The following KPNA5 variants were observed in gnomAD, a reference collection of about 807,000 sequenced individuals.
The protein encoded by KPNA5 is importin subunit alpha-6.
In KPNA5, 46 loss-of-function variants were observed where a neutral mutation model predicts 71.3. The ratio of observed to expected loss-of-function variants is 0.65; its 90% CI spans 0.51 to 0.83. KPNA5 has a LOEUF of 0.83. KPNA5 is among the 40% of genes least tolerant of loss of function. The probability of loss-of-function intolerance (pLI) is 0.00; values close to 1 mark genes in which losing one functional copy is unlikely to be tolerated. For missense variants in KPNA5, 547 were observed against 628.3 expected, an observed-to-expected ratio of 0.87 and a Z score of 1.38; for synonymous variants, 207 against 201.4, an observed-to-expected ratio of 1.03 and a Z score of -0.24.
chr6:116,708,071 T>G (rs1338660428), intron 7 of KPNA5, among the ~76,000 whole-genome samples: 1 of 152,240 alleles, frequency 6.6e-6, no homozygotes, highest in Non-Finnish European at 1.5e-5. Context: ...CATATTATAG[T>G]GAATGTATCA....
At chr6:116,717,885 G>GCC (rs138946289) in intron 8 of KPNA5, among the ~76,000 whole-genome samples, 3 of 151,158 alleles carry the variant, frequency 2.0e-5, no homozygotes, top group African/African-American at 7.3e-5. Context: ...CCAATAGTGT[G>GCC]CCCCCCCCAC....
Position 116,692,399 on chromosome 6 carries a change from A to G in KPNA5, c.340+7A>G. 6.5e-7 allele frequency: 1 copy of G among 1,549,002 alleles called. No homozygotes were observed. Among genetic ancestry groups the G allele is most frequent in the Non-Finnish European group, 8.8e-7 (1 of 1,132,476 alleles). On this transcript the variant is annotated splice_region_variant and intron_variant, in intron 4 of 13. Transcript: ENST00000368564. ...AGAAAGCTGCTTTCTAAAGGCAAGAATTATTTTCAGTATGCTTATTTGATA... is the reference window on the plus strand; with the variant it reads ...AGAAAGCTGCTTTCTAAAGGCAAGAGTTATTTTCAGTATGCTTATTTGATA...
At chr6:116,689,998 A>G (rs1562428119) in intron 2 of KPNA5, among the ~76,000 whole-genome samples, 1 of 152,272 alleles carries the variant, frequency 6.6e-6, no homozygotes, top group East Asian at 1.9e-4. Flanking sequence ...GTAAGTAAGT[A>G]AAATAATGTG....
At chr6:116,702,398 T>C (rs932777448) in intron 6 of KPNA5, among the ~76,000 whole-genome samples, 1 of 152,180 alleles carries the variant, frequency 6.6e-6, no homozygotes, top group African/African-American at 2.4e-5. Flanking sequence ...AAGTGCATAC[T>C]GAGGCTGGGC....
chr6:116,725,179 C>T (rs989410618), intron 10 of KPNA5, among the ~76,000 whole-genome samples: 1 of 152,158 alleles, frequency 6.6e-6, no homozygotes, highest in Non-Finnish European at 1.5e-5. Flanking sequence ...CACTGCTCCA[C>T]ACTTCTTCAC....
rs1215252100 is a variant in KPNA5, at chr6:116,710,873, TTA to T, written c.657-5326_657-5325del. ...CATTCTTAATTGTAGTAATATTATT[TTA>T]TATATATATATATATATATTTTTTT... On this transcript the variant is annotated intron_variant, in intron 7 of 13. Coordinates refer to ENST00000368564, the MANE Select transcript of KPNA5 (RefSeq NM_001366306.2). 4.2e-3 allele frequency among the ~76,000 whole-genome samples: 360 copies of T among 84,870 alleles called. 7 individuals are homozygous for T. Among genetic ancestry groups the T allele is most frequent in the South Asian group, 0.012 (30 of 2,446 alleles). 55.7% of individuals were successfully genotyped at this position (84,870 alleles called of 152,430 possible).
At chr6:116,685,332 T>C (rs1777534100) in intron 1 of KPNA5, among the ~76,000 whole-genome samples, 1 of 152,190 alleles carries the variant, frequency 6.6e-6, no homozygotes, top group Admixed American at 6.5e-5. Flanking sequence ...TGCAAGCTTG[T>C]TGTATAGGTA....
rs1777707924 is a variant in KPNA5, at chr6:116,689,393, G to C, written c.78G>C (p.Glu26Asp). The change falls in exon 2 of 14, where the codon GAG becomes GAC. Residue 26 changes from glutamate (E) to aspartate (D), a missense_variant. Physicochemically the swap from Glu to Asp is conservative, Grantham distance 45. Coordinates refer to ENST00000368564, the MANE Select transcript of KPNA5 (RefSeq NM_001366306.2). ...AGAATAAAGCCCTAAATCCTCAAGA[G>C]ATGCGTAGACGAAGAGAAGAAGAAG... ...SYKNKALNPQ[E>D]MRRRREEEGI... The C allele has an allele frequency of 6.2e-7, 1 of 1,610,122 alleles. No homozygotes were observed. Among genetic ancestry groups the C allele is most frequent in the Admixed American group, 1.7e-5 (1 of 59,278 alleles).
chr6:116,729,795 C>T (rs1779417847), intron 13 of KPNA5, 54 bp downstream of exon 13: 1 of 1,138,292 alleles, frequency 8.8e-7, no homozygotes, highest in African/African-American at 1.6e-5. Flanking sequence ...ATCTGTCATA[C>T]TTTCCCCTTC....
At chr6:116,691,504 G>A (rs1478829835) in intron 2 of KPNA5, among the ~76,000 whole-genome samples, 1 of 152,152 alleles carries the variant, frequency 6.6e-6, no homozygotes, top group Admixed American at 6.5e-5. Flanking sequence ...AGGGCCAACT[G>A]TACCTATAAA....
At chr6:116,694,422 G>C (rs1363139933) in intron 4 of KPNA5, among the ~76,000 whole-genome samples, 1 of 152,056 alleles carries the variant, frequency 6.6e-6, no homozygotes, top group African/African-American at 2.4e-5. Flanking sequence ...TTGAGCAGTG[G>C]TTTGTAGTTC....
chr6:116,681,566 C>G, intron 1 of KPNA5: 1 of 1,304,786 alleles, frequency 7.7e-7, no homozygotes, highest in Non-Finnish European at 9.7e-7. Context: ...AGTTCAGATT[C>G]TTTCAGCAGG....
chr6:116,731,231 C>T (rs1225056087), intron 13 of KPNA5, among the ~76,000 whole-genome samples: 1 of 152,018 alleles, frequency 6.6e-6, no homozygotes, highest in East Asian at 1.9e-4. Context: ...ATGGGTGATT[C>T]AGACTTTTAT....
chr6:116,683,896 C>CTT lies in KPNA5; in HGVS notation c.4+2591_4+2592dup, dbSNP rs140446065. Among the ~76,000 whole-genome samples the CTT allele has an allele frequency of 4.3e-3, 257 of 59,632 alleles. 41 individuals carry two copies. Among genetic ancestry groups the CTT allele is most frequent in the East Asian group, 7.4e-3 (11 of 1,490 alleles). The allele number at this position is 59,632 out of a possible 152,430, so 39.1% of individuals were successfully genotyped here. Reference sequence around the variant, plus strand: ...ACAGGCGTGAGCCACCGTGCCCGGCCTTTTTTTTTTTTTTTTTTTTTTTTT... The same window carrying CTT: ...ACAGGCGTGAGCCACCGTGCCCGGCCTTTTTTTTTTTTTTTTTTTTTTTTTTT... On this transcript the variant is annotated intron_variant, in intron 1 of 13. Transcript: ENST00000368564.
At chr6:116,703,657 T>G (rs1312024202) in intron 6 of KPNA5, among the ~76,000 whole-genome samples, 1 of 152,198 alleles carries the variant, frequency 6.6e-6, no homozygotes, top group Admixed American at 6.5e-5. Context: ...GAATATTATA[T>G]TCCACAAGGT....
rs780271494 is a variant in KPNA5, at chr6:116,735,504, A to G, written c.*3181A>G. On this transcript the variant is annotated 3_prime_UTR_variant, in exon 14 of 14. Transcript: ENST00000368564. ...TATAATAGAGCTCTAAAAGGATAGT[A>G]TATCTTTAAATTCTGACTGGGGAGT... The G allele has an allele frequency of 6.6e-6, 1 of 151,750 alleles. No individual in the cohort carries two copies. Among genetic ancestry groups the G allele is most frequent in the Non-Finnish European group, 1.5e-5 (1 of 67,726 alleles). The allele number at this position is 151,750 out of a possible 1,614,324, so 9.4% of individuals were successfully genotyped here.
chr6:116,730,930 A>T (rs748264076), intron 13 of KPNA5, among the ~76,000 whole-genome samples: 2 of 150,086 alleles, frequency 1.3e-5, no homozygotes, highest in East Asian at 2.0e-4. Context: ...TCCTCGGTCT[A>T]TTTTTTTTCA....
At chr6:116,693,934 C>G (rs1777913621) in intron 4 of KPNA5, among the ~76,000 whole-genome samples, 1 of 151,860 alleles carries the variant, frequency 6.6e-6, no homozygotes, top group Non-Finnish European at 1.5e-5. Flanking sequence ...GGAAGGGATC[C>G]AGTTTCAGCT....
intron 8 of KPNA5, among the ~76,000 whole-genome samples, chr6:116,717,002 C>A (rs1473277568): frequency 2.6e-5 from 4 of 151,804 alleles, no homozygotes; most frequent in African/African-American, 7.3e-5. Context: ...ATAAGATATT[C>A]AAAAGACACA....
Sources: gnomAD v4.1 joint callset for allele counts (sites outside exome capture counted in the v4.1 genomes callset) on GRCh38, gnomAD v4.1.1 for gene constraint, MANE v1.5 for transcripts, NCBI Gene and HGNC (gene_info 2026-07-23, HGNC 2026-07-21) for gene names.